The following FNDC3B variants were observed in gnomAD, a reference collection of about 807,000 sequenced individuals.
The protein encoded by FNDC3B is fibronectin type III domain containing 3B.
FNDC3B carries 12 observed loss-of-function variants against 151.5 expected under a neutral mutation model. The ratio of observed to expected loss-of-function variants is 0.08; its 90% CI spans 0.05 to 0.13. FNDC3B has a LOEUF of 0.13. FNDC3B is among the 10% of genes least tolerant of loss of function. The pLI is 1.00. For synonymous variants in FNDC3B, 528 were observed against 549.0 expected, an observed-to-expected ratio of 0.96 and a Z score of 0.54; for missense variants, 1,214 against 1,505.3, an observed-to-expected ratio of 0.81 and a Z score of 3.20.
intron 7 of FNDC3B, among the ~76,000 whole-genome samples, chr3:172,286,729 G>C (rs1003083520): frequency 6.6e-6 from 1 of 152,192 alleles, no homozygotes; most frequent in African/African-American, 2.4e-5. Context: ...GGGTGTTGCC[G>C]TTGGGAGGGG....
At chr3:172,393,060 C>T (rs1017679428) in intron 25 of FNDC3B, among the ~76,000 whole-genome samples, 45 of 152,090 alleles carry the variant, frequency 3.0e-4, no homozygotes, top group African/African-American at 1.1e-3. Flanking sequence ...ATCTCAGCCT[C>T]CCAAAGTGCT....
At chr3:172,325,125 T>A (rs770500542) in intron 11 of FNDC3B, among the ~76,000 whole-genome samples, 4 of 152,254 alleles carry the variant, frequency 2.6e-5, no homozygotes, top group Non-Finnish European at 5.9e-5. Context: ...GACCAGATCA[T>A]TGATGACAAC....
intron 5 of FNDC3B, among the ~76,000 whole-genome samples, chr3:172,250,468 A>G (rs1351526514): frequency 2.0e-5 from 3 of 152,232 alleles, no homozygotes; most frequent in African/African-American, 7.2e-5. Flanking sequence ...TGCCACAGAA[A>G]ACTTTGACTG....
rs56928101 is a variant in FNDC3B at position 172,253,748 on chromosome 3, T to G, written c.790+2207T>G. Among the ~76,000 whole-genome samples the G allele has an allele frequency of 8.8e-3, 1,343 of 152,310 alleles. 24 individuals are homozygous for G. Among genetic ancestry groups the G allele is most frequent in the African/African-American group, 0.03 (1,257 of 41,560 alleles). Reference sequence around the variant, plus strand: ...TTTTTATGTAATGTTTTACTTAGGTTAAGTTGTTCTCATGGCCAGAAGAGA... The same window carrying G: ...TTTTTATGTAATGTTTTACTTAGGTGAAGTTGTTCTCATGGCCAGAAGAGA... On this transcript the variant is annotated intron_variant, in intron 6 of 25. Transcript: ENST00000415807.
chr3:172,337,270 T>A, intron 15 of FNDC3B, 60 bp from the exon 16 acceptor site: 1 of 1,154,144 alleles, frequency 8.7e-7, no homozygotes. Flanking sequence ...GTCCTGATGA[T>A]GTTTACCAAT....
chr3:172,119,787 G>C (rs1404919574), intron 2 of FNDC3B, among the ~76,000 whole-genome samples: 2 of 152,096 alleles, frequency 1.3e-5, no homozygotes, highest in Non-Finnish European at 2.9e-5. Context: ...TCTCCAGTCC[G>C]AAGGTCCACC....
chr3:172,337,452 T>C (rs955455026), intron 16 of FNDC3B, 51 bp downstream of exon 16: 1 of 1,132,704 alleles, frequency 8.8e-7, no homozygotes, highest in Admixed American at 1.7e-5. Context: ...AGCTCTGTTT[T>C]CTAATATAGT....
intron 7 of FNDC3B, among the ~76,000 whole-genome samples, chr3:172,287,231 C>T (rs187127879): frequency 6.6e-5 from 10 of 152,242 alleles, no homozygotes; most frequent in African/African-American, 1.9e-4. Context: ...GTGTCTTTCC[C>T]GGTCTGTGGT....
chr3:172,162,546 T>C (rs559180102), intron 3 of FNDC3B, among the ~76,000 whole-genome samples: 1 of 152,168 alleles, frequency 6.6e-6, no homozygotes, highest in Non-Finnish European at 1.5e-5. Context: ...TATTTAACCA[T>C]TTGAGGAATG....
At chr3:172,243,195 C>T (rs1221978888) in intron 4 of FNDC3B, among the ~76,000 whole-genome samples, 2 of 152,214 alleles carry the variant, frequency 1.3e-5, no homozygotes, top group Non-Finnish European at 2.9e-5. Context: ...CCCACATTTT[C>T]CTGCCTTCTT....
chr3:172,341,194 T>C lies in FNDC3B; in HGVS notation c.1934T>C (p.Leu645Pro). Residue 645 changes from leucine to proline, a missense_variant, in exon 17 of 26, where the codon CTC (leucine) becomes CCC (proline). By Grantham distance (98) the Leu-to-Pro change is moderately conservative. Coordinates refer to ENST00000415807, the MANE Select transcript of FNDC3B (RefSeq NM_022763.4). ...THLKPGTLYK[L>P]RACCISTGGH... ...TTGAAACCAGGCACTTTGTACAAAC[T>C]CCGAGCATGCTGCATCAGTACCGGC... is the stretch of plus-strand genomic sequence containing the variant. The C allele has an allele frequency of 6.2e-7, 1 of 1,614,208 alleles. No individual in the cohort carries two copies. The highest frequency in any genetic ancestry group is 2.2e-5 in the East Asian group (1 of 44,892).
chr3:172,348,332 A>G (rs1733703721), intron 21 of FNDC3B, among the ~76,000 whole-genome samples: 1 of 152,374 alleles, frequency 6.6e-6, no homozygotes, highest in Non-Finnish European at 1.5e-5. Flanking sequence ...CAACTGAAGC[A>G]TTTCTGTTAA....
chr3:172,101,762 G>A (rs1326867699), intron 1 of FNDC3B, among the ~76,000 whole-genome samples: 5 of 152,204 alleles, frequency 3.3e-5, no homozygotes, highest in African/African-American at 1.2e-4. Flanking sequence ...CACCATGGAA[G>A]ACATAACTTT....
intron 11 of FNDC3B, among the ~76,000 whole-genome samples, chr3:172,320,379 C>CA (rs1002610501): frequency 4.7e-4 from 70 of 150,492 alleles, no homozygotes; most frequent in Middle Eastern, 6.8e-3. Context: ...GACTCTGACT[C>CA]AAAAAAAACA....
chr3:172,069,758 G>A (rs1717677125), intron 1 of FNDC3B, among the ~76,000 whole-genome samples: 1 of 152,142 alleles, frequency 6.6e-6, no homozygotes, highest in Admixed American at 6.5e-5. Flanking sequence ...AATTTAATTG[G>A]CCTTTTCCCC....
chr3:172,142,641 G>C (rs954914001), intron 3 of FNDC3B, among the ~76,000 whole-genome samples: 7 of 152,212 alleles, frequency 4.6e-5, no homozygotes, highest in African/African-American at 1.7e-4. Context: ...CTTTAAGGAA[G>C]ACTGGATTAA....
intron 3 of FNDC3B, among the ~76,000 whole-genome samples, chr3:172,198,240 A>G (rs1724950515): frequency 6.6e-6 from 1 of 151,856 alleles, no homozygotes. Flanking sequence ...CTTTTTTAAT[A>G]GAGAATCGTA....
chr3:172,188,448 C>T (rs1191475997), intron 3 of FNDC3B, among the ~76,000 whole-genome samples: 1 of 151,820 alleles, frequency 6.6e-6, no homozygotes, highest in African/African-American at 2.4e-5. Context: ...GCTCTGTCGC[C>T]AGGCTGGAGT....
chr3:172,397,030 T>C (rs960185038), intron 25 of FNDC3B, 134 bp from the exon 26 acceptor site: 3 of 671,720 alleles, frequency 4.5e-6, no homozygotes, highest in Non-Finnish European at 7.4e-6. Flanking sequence ...AGAAGTACAT[T>C]TTTATATCAT....
Sources: gnomAD v4.1 joint callset for allele counts (sites outside exome capture counted in the v4.1 genomes callset) on GRCh38, gnomAD v4.1.1 for gene constraint, MANE v1.5 for transcripts, NCBI Gene and HGNC (gene_info 2026-07-23, HGNC 2026-07-21) for gene names.